RAB6B: variants seen among roughly 807,000 people sequenced by gnomAD.
The protein encoded by RAB6B is RAB6B, member RAS oncogene family.
RAB6B carries 7 observed loss-of-function variants against 31.2 expected under a neutral mutation model. That is an observed-to-expected ratio of 0.22 (90% CI 0.13 to 0.42). The LOEUF is 0.42. Among genes scored for constraint, RAB6B ranks in the 10% least tolerant of loss-of-function variants. The pLI, the probability that RAB6B is intolerant of heterozygous loss-of-function variation, is 1.00. For synonymous variants in RAB6B, 105 were observed against 104.9 expected (o/e 1.00, Z -0.01); for missense variants, 149 against 280.6 (o/e 0.53, Z 3.35).
intron 2 of RAB6B, among the ~76,000 whole-genome samples, chr3:133,853,208 A>G (rs1936026587): frequency 6.6e-6 from 1 of 152,158 alleles, no homozygotes; most frequent in East Asian, 1.9e-4. Flanking sequence ...CACAGGCCAC[A>G]GTGTGTACTG....
At chr3:133,871,790 C>T (rs939467489) in intron 1 of RAB6B, among the ~76,000 whole-genome samples, 1 of 152,228 alleles carries the variant, frequency 6.6e-6, no homozygotes, top group Admixed American at 6.5e-5. Flanking sequence ...GGTGTACCAC[C>T]CACTAGCTAG....
intron 1 of RAB6B, among the ~76,000 whole-genome samples, chr3:133,880,346 A>C (rs1290343923): frequency 3.9e-5 from 6 of 152,256 alleles, no homozygotes; most frequent in African/African-American, 1.4e-4. Context: ...CAGAGTATTG[A>C]GAGCGAAACT....
intron 1 of RAB6B, chr3:133,885,589 G>A (rs1365856265): frequency 1.4e-6 from 1 of 703,034 alleles, no homozygotes; most frequent in Non-Finnish European, 2.6e-6. Context: ...GTAGCAGAGA[G>A]GGAGGAGTCC....
chr3:133,841,759 G>T (rs969568966), intron 2 of RAB6B, 96 bp from the exon 3 acceptor site: 1 of 1,256,552 alleles, frequency 8.0e-7, no homozygotes, highest in Non-Finnish European at 1.1e-6. Flanking sequence ...CCAGCAAGAG[G>T]GGACGCTCAT....
At chr3:133,894,892 G>T (rs1936685522) in intron 1 of RAB6B, among the ~76,000 whole-genome samples, 1 of 152,120 alleles carries the variant, frequency 6.6e-6, no homozygotes, top group Non-Finnish European at 1.5e-5. Context: ...GTGCCCTTTC[G>T]CATGGTTCCC....
chr3:133,834,087 A>C (rs1935695187), intron 7 of RAB6B, among the ~76,000 whole-genome samples: 1 of 152,010 alleles, frequency 6.6e-6, no homozygotes, highest in African/African-American at 2.4e-5. Context: ...ATGGTCCCAC[A>C]GATCAGTGGG....
chr3:133,838,143 C>G (rs765280073), intron 6 of RAB6B, 23 bp downstream of exon 6: 1 of 1,175,468 alleles, frequency 8.5e-7, no homozygotes, highest in Admixed American at 1.8e-5. Context: ...CCGTGCCGGG[C>G]CCCGTGCCAG....
At chr3:133,882,419 T>C (rs939665881) in intron 1 of RAB6B, among the ~76,000 whole-genome samples, 1 of 152,202 alleles carries the variant, frequency 6.6e-6, no homozygotes, top group Non-Finnish European at 1.5e-5. Context: ...ATGACTCACC[T>C]GGGGTCACCT....
At chr3:133,889,318 A>T (rs912499192) in intron 1 of RAB6B, among the ~76,000 whole-genome samples, 1 of 149,534 alleles carries the variant, frequency 6.7e-6, no homozygotes, top group Non-Finnish European at 1.5e-5. Context: ...TCGGGGCAAC[A>T]TCTATAAAGA....
chr3:133,840,021 G>T (rs561880017), intron 4 of RAB6B, among the ~76,000 whole-genome samples: 1 of 152,156 alleles, frequency 6.6e-6, no homozygotes, highest in African/African-American at 2.4e-5. Context: ...CGCGCGACTT[G>T]GCAAGTTTGG....
At position 133,826,289 on chromosome 3, in the gene RAB6B, G is replaced by GCTAT. The variant is rs1037685773; in HGVS notation, c.*2495_*2498dup. ...TCACTAAGGCCATGTCAAACCAAATGCTATCTTTTACTGCTCCTCTAGGCC... is the reference window on the plus strand; with the variant it reads ...TCACTAAGGCCATGTCAAACCAAATGCTATCTATCTTTTACTGCTCCTCTAGGCC... On this transcript the variant is annotated 3_prime_UTR_variant, in exon 8 of 8. Coordinates refer to ENST00000285208, the MANE Select transcript of RAB6B (RefSeq NM_016577.4). 2 of 152,234 alleles carry GCTAT rather than the reference G, an allele frequency of 1.3e-5. No individual in the cohort carries two copies. The highest frequency in any genetic ancestry group is 2.4e-5 in the African/African-American group (1 of 41,446). 9.4% of individuals were successfully genotyped at this position (152,234 alleles called of 1,614,324 possible).
rs891179737 is a variant in RAB6B at position 133,895,248 on chromosome 3, C to A, written c.70+149G>T. On this transcript the variant is annotated intron_variant, in intron 1 of 7. Coordinates refer to ENST00000285208, the MANE Select transcript of RAB6B (RefSeq NM_016577.4). ...ACCCTTGGCCCCTCCCCAGCCCGAC[C>A]CCGCCCCGACCTCCCCATCCCTGTC... 5 of 817,470 alleles carry A rather than the reference C, an allele frequency of 6.1e-6. No individual in the cohort carries two copies. In the African/African-American group the frequency reaches 7.0e-5, roughly 11 times the overall value. 50.6% of individuals were successfully genotyped at this position (817,470 alleles called of 1,614,324 possible).
intron 6 of RAB6B, among the ~76,000 whole-genome samples, chr3:133,836,522 C>T (rs1405903057): frequency 1.3e-5 from 2 of 152,158 alleles, no homozygotes; most frequent in East Asian, 1.9e-4. Context: ...AAACTGACCA[C>T]ATTTAACTCC....
intron 1 of RAB6B, among the ~76,000 whole-genome samples, chr3:133,890,024 G>C (rs926159441): frequency 3.3e-5 from 5 of 152,156 alleles, no homozygotes; most frequent in Non-Finnish European, 7.3e-5. Flanking sequence ...CAAAGGTTCT[G>C]GGCCTGTACC....
intron 1 of RAB6B, among the ~76,000 whole-genome samples, chr3:133,883,217 C>T (rs1936492972): frequency 6.6e-6 from 1 of 152,186 alleles, no homozygotes; most frequent in African/African-American, 2.4e-5. Flanking sequence ...GTCTGCTCCT[C>T]AAAGCCAGTG....
chr3:133,873,010 G>A lies in RAB6B; in HGVS notation c.71-8368C>T, dbSNP rs746836369. Reference sequence around the variant, plus strand: ...TCCTGCACCAGCTAGGAGGCGGACCGATGCCTGACCCTCTCACTTCTCCAC... The same window carrying A: ...TCCTGCACCAGCTAGGAGGCGGACCAATGCCTGACCCTCTCACTTCTCCAC... On this transcript the variant is annotated intron_variant, in intron 1 of 7. Coordinates refer to ENST00000285208, the MANE Select transcript of RAB6B (RefSeq NM_016577.4). Among the ~76,000 whole-genome samples the A allele has an allele frequency of 5.9e-5, 9 of 152,228 alleles. No homozygotes were observed. In the East Asian group the frequency reaches 9.7e-4, roughly 16 times the overall value.
intron 1 of RAB6B, chr3:133,894,514 G>A (rs535100143): frequency 6.6e-6 from 1 of 152,524 alleles, no homozygotes; most frequent in African/African-American, 2.4e-5. Flanking sequence ...GGTGAGCTGG[G>A]AGGTGGGGGT....
chr3:133,861,150 A>G (rs1936155459), intron 2 of RAB6B, among the ~76,000 whole-genome samples: 1 of 152,270 alleles, frequency 6.6e-6, no homozygotes, highest in Non-Finnish European at 1.5e-5. Context: ...AAAGACAGCC[A>G]AGTCTCATCA....
chr3:133,874,545 T>C (rs1033291268), intron 1 of RAB6B, among the ~76,000 whole-genome samples: 3 of 152,166 alleles, frequency 2.0e-5, no homozygotes, highest in African/African-American at 7.2e-5. Flanking sequence ...AGTCAGTGAG[T>C]GGTGAGTAAA....
Sources: gnomAD v4.1 joint callset for allele counts (sites outside exome capture counted in the v4.1 genomes callset) on GRCh38, gnomAD v4.1.1 for gene constraint, MANE v1.5 for transcripts, NCBI Gene and HGNC (gene_info 2026-07-23, HGNC 2026-07-21) for gene names.